The following CDHR2 variants were observed in gnomAD, a reference collection of about 807,000 sequenced individuals.
CDHR2 encodes the protein cadherin related family member 2.
A neutral mutation model predicts 138.6 loss-of-function variants in CDHR2; 104 were observed. That is an observed-to-expected ratio of 0.75 (90% confidence interval 0.64 to 0.88). The LOEUF (loss-of-function observed/expected upper bound fraction) is 0.88, where lower values mean the gene tolerates loss of function less well. CDHR2 is among the 40% of genes least tolerant of loss of function. The pLI is 0.00. For synonymous variants in CDHR2, 755 were observed against 742.8 expected, an observed-to-expected ratio of 1.02 and a Z score of -0.27; for missense variants, 1,624 against 1,727.6, an observed-to-expected ratio of 0.94 and a Z score of 1.06.
rs1357874134 is a variant in CDHR2 at position 176,590,061 on chromosome 5, A to T, written c.3207-17A>T. On this transcript the variant is annotated splice_polypyrimidine_tract_variant and intron_variant, in intron 24 of 31. Transcript: ENST00000261944. ...GGCTAAGACCCCAGGCCTCTGTGAC[A>T]TCTGCCTTCTTTGCAGGGCTCTTAC... 1.2e-6 allele frequency: 2 copies of T among 1,610,302 alleles called. No individual in the cohort carries two copies. The highest frequency in any genetic ancestry group is 4.5e-5 in the East Asian group (2 of 44,872).
upstream of CDHR2, among the ~76,000 whole-genome samples, chr5:176,545,107 T>A (rs1757556128): frequency 6.6e-6 from 1 of 152,110 alleles, no homozygotes; most frequent in African/African-American, 2.4e-5. Context: ...AGTTTTCTTT[T>A]TTCCTTTTCT....
intron 1 of CDHR2, among the ~76,000 whole-genome samples, chr5:176,554,955 C>T (rs934738853): frequency 9.9e-5 from 15 of 152,230 alleles, no homozygotes; most frequent in African/African-American, 2.6e-4. Flanking sequence ...CACCCAGCCT[C>T]GAAGGGATTT....
rs1449144649 is a variant in CDHR2 at position 176,543,260 on chromosome 5, C to A, written c.-16+491C>A. On this transcript the variant is annotated intron_variant, in intron 1 of 31. Transcript: ENST00000510636. This position sits in a 1 kb window ranked among gnomAD's most constrained non-coding sequence, Gnocchi z 4.0. Reference sequence around the variant, plus strand: ...GGCGCAGGGTCCGGGCCCGGCGTTACCTGGGGCCGCGGCGGGGCTCCACCC... The same window carrying A: ...GGCGCAGGGTCCGGGCCCGGCGTTAACTGGGGCCGCGGCGGGGCTCCACCC... 6.8e-6 allele frequency among the ~76,000 whole-genome samples: 1 copy of A among 146,942 alleles called. No homozygotes were observed. Among genetic ancestry groups the A allele is most frequent in the Non-Finnish European group, 1.5e-5 (1 of 65,992 alleles).
intron 21 of CDHR2, among the ~76,000 whole-genome samples, 189 bp from the exon 22 acceptor site, chr5:176,588,842 T>C (rs1758759076): frequency 6.6e-6 from 1 of 152,140 alleles, no homozygotes; most frequent in Admixed American, 6.6e-5. Context: ...CAGGTTCTTG[T>C]CCAAATCTGG....
Position 176,577,698 on chromosome 5 carries a change from G to C in CDHR2, c.1412G>C (p.Arg471Thr). 6.2e-7 allele frequency: 1 copy of C among 1,614,232 alleles called. No homozygotes were observed. The highest frequency in any genetic ancestry group is 8.5e-7 in the Non-Finnish European group (1 of 1,180,032). Residue 471 changes from arginine to threonine, a missense_variant, in exon 14 of 32, where the codon AGA (arginine) becomes ACA (threonine). Physicochemically the swap from Arg to Thr is moderately conservative, Grantham distance 71. Coordinates refer to ENST00000261944, the MANE Select transcript of CDHR2 (RefSeq NM_017675.6). ...GTCGCCATGGTGACCATCCACCTTA[G>C]AGACATTAATGACCACAGGCCCACG... ...FSVAMVTIHL[R>T]DINDHRPTFP...
chr5:176,567,638 C>T (rs372978857), intron 3 of CDHR2, among the ~76,000 whole-genome samples: 2 of 152,090 alleles, frequency 1.3e-5, no homozygotes, highest in South Asian at 2.1e-4. Context: ...ATTATAGGCA[C>T]GTGCCACCAG....
chr5:176,567,190 A>G (rs560927873), intron 3 of CDHR2: 126 of 342,430 alleles, frequency 3.7e-4, no homozygotes, highest in African/African-American at 2.6e-3. Flanking sequence ...TTTTTTTGAG[A>G]CAGGGTCTGG....
chr5:176,557,686 TTTTCTTTC>T (rs5873539), intron 1 of CDHR2, among the ~76,000 whole-genome samples: 70,084 of 136,868 alleles, frequency 0.51, 20,840 homozygotes, highest in Non-Finnish European at 0.67. Flanking sequence ...GTTGATTTTT[TTTTCTTTC>T]TTTCTTTCTT....
At position 176,574,363 on chromosome 5, in the gene CDHR2, G is replaced by T. The variant is rs192277800; in HGVS notation, c.495+191G>T. Among the ~76,000 whole-genome samples the T allele has an allele frequency of 1.9e-4, 29 of 152,282 alleles. No homozygotes were observed. The East Asian group carries it at 5.2e-3, about 27-fold the overall frequency. On this transcript the variant is annotated intron_variant, in intron 7 of 31. Transcript: ENST00000261944. Reference sequence around the variant, plus strand: ...CGCCTTGCCCGCTTACCTAAAGAGGGTGCCTGCTGCAGACCAGACCCTTCT... The same window carrying T: ...CGCCTTGCCCGCTTACCTAAAGAGGTTGCCTGCTGCAGACCAGACCCTTCT...
chr5:176,578,597 G>A lies in CDHR2; in HGVS notation c.1807G>A (p.Val603Met), dbSNP rs147456895. 5.0e-6 allele frequency: 8 copies of A among 1,611,306 alleles called. No homozygotes were observed. The highest frequency in any genetic ancestry group is 4.0e-5 in the African/African-American group (3 of 75,056). Residue 603 changes from valine (V) to methionine (M), a missense_variant, in exon 16 of 32, where the codon GTG becomes ATG. By Grantham distance (21) the Val-to-Met change is conservative (BLOSUM62 1). This residue lies in a region of CDHR2 where 1,061 missense variants were observed against 1,136.6 expected (regional missense o/e 0.93). Coordinates refer to ENST00000261944, the MANE Select transcript of CDHR2 (RefSeq NM_017675.6). ...FVQEEEGNVS[V>M]TIQAHDNDEP... is the part of the protein sequence containing the mutation. ...CCAGGAGGAGGAGGGCAATGTCTCC[G>A]TGACCATCCAGGTGTGAGCCTGCCT...
At chr5:176,592,685 G>A (rs1166770211) in intron 30 of CDHR2, 38 bp from the exon 31 acceptor site, 1 of 1,596,404 alleles carries the variant, frequency 6.3e-7, no homozygotes, top group African/African-American at 1.3e-5. Flanking sequence ...GGGAGGACTG[G>A]GCCTGCCAAC....
chr5:176,590,133 G>C lies in CDHR2; in HGVS notation c.3262G>C (p.Asp1088His), dbSNP rs1371993631. 1 of 1,613,752 alleles carries C rather than the reference G, an allele frequency of 6.2e-7. No individual in the cohort carries two copies. The highest frequency in any genetic ancestry group is 2.2e-5 in the East Asian group (1 of 44,888). ...ATACATTGTGGACATTCAGGACATA[G>C]ATTCTGCAGCTCGGTGAGTGCCCAG... ...TVYIVDIQDI[D>H]SAARARPHSY... Residue 1088 changes from aspartate to histidine, a missense_variant, in exon 25 of 32, where the codon GAT becomes CAT. By Grantham distance (81) the Asp-to-His change is moderately conservative (BLOSUM62 -1). This residue lies in a region of CDHR2 where 556 missense variants were observed against 565.7 expected (regional missense o/e 0.98). Coordinates refer to ENST00000261944, the MANE Select transcript of CDHR2 (RefSeq NM_017675.6).
intron 5 of CDHR2, among the ~76,000 whole-genome samples, chr5:176,569,430 C>T (rs1012865593): frequency 4.0e-5 from 6 of 151,760 alleles, no homozygotes; most frequent in African/African-American, 1.5e-4. Context: ...ACTACAGGCG[C>T]CAGCCACCAC....
Position 176,595,536 on chromosome 5 carries a change from A to T in CDHR2, c.3797A>T (p.His1266Leu), listed in dbSNP as rs1315053825. Reference protein sequence around the residue: ...VDKNSQEIKEHRPPHTPPEPD... With the variant: ...VDKNSQEIKELRPPHTPPEPD... The stretch of plus-strand genomic sequence containing the variant: ...CTCCTCTCCCTCTCCCTGCAGGAGC[A>T]CAGGCCACCACACACACCACCAGAG... Residue 1266 changes from histidine to leucine, a missense_variant, in exon 32 of 32, where the codon CAC becomes CTC. Around this residue, in one of 3 missense-constraint regions of CDHR2, gnomAD observed 556 missense variants for 565.7 expected, o/e 0.98. Coordinates refer to ENST00000261944, the MANE Select transcript of CDHR2 (RefSeq NM_017675.6). 4 of 1,596,802 alleles carry T rather than the reference A, an allele frequency of 2.5e-6. No homozygotes were observed. The highest frequency in any genetic ancestry group is 3.4e-6 in the Non-Finnish European group (4 of 1,171,046).
intron 1 of CDHR2, among the ~76,000 whole-genome samples, chr5:176,551,163 C>T (rs1381447827): frequency 6.6e-6 from 1 of 152,124 alleles, no homozygotes; most frequent in African/African-American, 2.4e-5. Flanking sequence ...TGCACGCCAC[C>T]ACGTCTGGCT....
upstream of CDHR2, among the ~76,000 whole-genome samples, chr5:176,548,599 C>T (rs1307100765): frequency 1.3e-5 from 2 of 152,044 alleles, no homozygotes; most frequent in African/African-American, 2.4e-5. Context: ...AAAAATTAGC[C>T]GGGTGTGGAG....
rs571316937 is a variant in CDHR2, at chr5:176,593,280, C to T, written c.3792+500C>T. On this transcript the variant is annotated intron_variant, in intron 31 of 31. Coordinates refer to ENST00000261944, the MANE Select transcript of CDHR2 (RefSeq NM_017675.6). The stretch of plus-strand genomic sequence containing the variant: ...ATGAGATCAAGTGTTCATAGACTGG[C>T]CTGCTGCGTAAAAGCACCTGAGGAG... Among the ~76,000 whole-genome samples, 82 of 152,302 alleles carry T rather than the reference C, an allele frequency of 5.4e-4. 1 individual carries two copies. Among genetic ancestry groups the T allele is most frequent in the African/African-American group, 1.9e-3 (77 of 41,542 alleles).
At chr5:176,593,974 G>A (rs1402368807) in intron 31 of CDHR2, among the ~76,000 whole-genome samples, 1 of 152,178 alleles carries the variant, frequency 6.6e-6, no homozygotes, top group South Asian at 2.1e-4. Flanking sequence ...AAACTCTAAT[G>A]AACATGTCTG....
At chr5:176,581,279 C>T (rs1758522045) in intron 16 of CDHR2, 64 bp from the exon 17 acceptor site, 3 of 1,594,486 alleles carry the variant, frequency 1.9e-6, no homozygotes, top group African/African-American at 1.3e-5. Flanking sequence ...GGTCCGGCTG[C>T]ATCGGAGGGG....
Sources: gnomAD v4.1 joint callset for allele counts (sites outside exome capture counted in the v4.1 genomes callset) on GRCh38, gnomAD v4.1.1 for gene constraint, gnomAD v4.1.1 regional missense constraint, Gnocchi (gnomAD v3.1) non-coding constraint, MANE v1.5 for transcripts, NCBI Gene and HGNC (gene_info 2026-07-23, HGNC 2026-07-21) for gene names.